Variants in ZC3H11A observed in about 807,000 individuals in gnomAD.
The protein encoded by ZC3H11A is zinc finger CCCH domain-containing protein 11A.
ZC3H11A carries 22 observed loss-of-function variants against 90.8 expected under a neutral mutation model. The ratio of observed to expected loss-of-function variants is 0.24; its 90% confidence interval spans 0.17 to 0.35. The LOEUF (loss-of-function observed/expected upper bound fraction) is 0.35. Among genes scored for constraint, ZC3H11A ranks in the 10% least tolerant of loss-of-function variants. The probability of loss-of-function intolerance (pLI) is 1.00; values close to 1 mark genes in which losing one functional copy is unlikely to be tolerated. For missense variants in ZC3H11A, 701 were observed against 964.9 expected (o/e 0.73, Z 3.62); for synonymous variants, 294 against 339.8 (o/e 0.87, Z 1.48).
intron 5 of ZC3H11A, chr1:203,829,223 CTGTTT>C (rs1681491564): frequency 1.7e-6 from 1 of 572,104 alleles, no homozygotes; most frequent in Non-Finnish European, 3.1e-6. Context: ...TCTGTTGATT[CTGTTT>C]TGAGTGCCCA....
intron 12 of ZC3H11A, among the ~76,000 whole-genome samples, chr1:203,844,318 C>T (rs1687304332): frequency 6.6e-6 from 1 of 152,094 alleles, no homozygotes; most frequent in African/African-American, 2.4e-5. Context: ...TGTGCAATCA[C>T]GCCTGGCTAA....
intron 17 of ZC3H11A, among the ~76,000 whole-genome samples, chr1:203,851,835 G>GACC (rs1377392785): frequency 2.0e-5 from 3 of 151,562 alleles, no homozygotes; most frequent in South Asian, 2.1e-4. Flanking sequence ...ATCACATGGT[G>GACC]ACACACACCT....
At chr1:203,797,454 A>G in intron 1 of ZC3H11A, 2 of 1,363,738 alleles carry the variant, frequency 1.5e-6, no homozygotes, top group Non-Finnish European at 1.9e-6. Flanking sequence ...AGAGAGGAAC[A>G]GCTGTATTTC....
chr1:203,830,310 T>C, intron 8 of ZC3H11A, 107 bp downstream of exon 8: 5 of 865,376 alleles, frequency 5.8e-6, no homozygotes, highest in Non-Finnish European at 9.1e-6. Context: ...TTCATTTCCA[T>C]GGCCTGTTTG....
In ZC3H11A at chr1:203,817,172, A is replaced by G. The variant is rs777399171; in HGVS notation, c.54+48A>G. The G allele has an allele frequency of 1.7e-5, 25 of 1,481,082 alleles. No homozygotes were observed. In the South Asian group the frequency reaches 3.0e-4, roughly 18 times the overall value. The allele number at this position is 1,481,082 out of a possible 1,614,324, so 91.7% of individuals were successfully genotyped here. ...CAGTTCTTTCTACAATTTGCTTAAT[A>G]GAATTGGATAAGATTTTCCCAACAT... On this transcript the variant is annotated intron_variant, in intron 3 of 17. Coordinates refer to ENST00000367210, the MANE Select transcript of ZC3H11A (RefSeq NM_001376342.1).
intron 4 of ZC3H11A, among the ~76,000 whole-genome samples, chr1:203,821,255 A>T (rs1411204232): frequency 6.6e-6 from 1 of 152,122 alleles, no homozygotes; most frequent in East Asian, 1.9e-4. Flanking sequence ...ACCTCCTGCC[A>T]TAATTATAAG....
At chr1:203,837,906 A>T (rs1183180776) in intron 10 of ZC3H11A, 60 bp from the exon 11 acceptor site, 3 of 1,521,582 alleles carry the variant, frequency 2.0e-6, no homozygotes, top group Admixed American at 1.9e-5. Flanking sequence ...TTTTGTTTGT[A>T]TTTCTTGTCC....
chr1:203,839,586 A>G (rs1685452049), intron 11 of ZC3H11A, among the ~76,000 whole-genome samples: 1 of 152,240 alleles, frequency 6.6e-6, no homozygotes, highest in South Asian at 2.1e-4. Flanking sequence ...GCATTCTCAG[A>G]GCAAGCAAAA....
chr1:203,829,989 C>A, intron 7 of ZC3H11A, 93 bp downstream of exon 7: 1 of 1,367,594 alleles, frequency 7.3e-7, no homozygotes, highest in Non-Finnish European at 1.0e-6. Context: ...TTCTTTTTCC[C>A]ATGCTACACG....
At chr1:203,840,582 C>T (rs1685781991) in intron 12 of ZC3H11A, among the ~76,000 whole-genome samples, 1 of 151,134 alleles carries the variant, frequency 6.6e-6, no homozygotes, top group African/African-American at 2.4e-5. Context: ...AATGATTGTT[C>T]ATCATAGCAT....
Position 203,834,056 on chromosome 1 carries a change from A to G in ZC3H11A, c.874+203A>G, listed in dbSNP as rs994246278. ...ATTTAAAGTGTTACAATTGAACTAG[A>G]TTATGACCATGACCAGCGTTTTGGA... On this transcript the variant is annotated intron_variant, in intron 10 of 17. Coordinates refer to ENST00000367210, the MANE Select transcript of ZC3H11A (RefSeq NM_001376342.1). 5.6e-6 allele frequency: 7 copies of G among 1,239,066 alleles called. No homozygotes were observed. The African/African-American group carries it at 9.3e-5, about 17-fold the overall frequency. The allele number at this position is 1,239,066 out of a possible 1,614,324, so 76.8% of individuals were successfully genotyped here.
intron 12 of ZC3H11A, among the ~76,000 whole-genome samples, chr1:203,842,133 A>G (rs1419765790): frequency 3.7e-5 from 5 of 133,648 alleles, no homozygotes; most frequent in Admixed American, 7.5e-5. Context: ...GCTGGGCGGA[A>G]GGGCTCCTCA....
chr1:203,848,683 T>G (rs1054114808), intron 14 of ZC3H11A, among the ~76,000 whole-genome samples: 1 of 152,148 alleles, frequency 6.6e-6, no homozygotes, highest in East Asian at 1.9e-4. Context: ...GTCAGGAGAT[T>G]GAGACCGTCC....
At position 203,829,483 on chromosome 1, in the gene ZC3H11A, G is replaced by A; in HGVS notation, c.331G>A (p.Glu111Lys). 4.3e-6 allele frequency: 7 copies of A among 1,614,014 alleles called. No individual in the cohort carries two copies. The highest frequency in any genetic ancestry group is 5.9e-6 in the Non-Finnish European group (7 of 1,179,900). The change falls in exon 6 of 18, where the codon GAG (glutamate) becomes AAG (lysine). Residue 111 changes from glutamate to lysine, a missense_variant. Physicochemically the swap from Glu to Lys is moderately conservative, Grantham distance 56. Transcript: ENST00000367210. ...VLPTVPESPE[E>K]EVKASQLSVQ... ...GCCCACTGTGCCTGAGTCACCAGAA[G>A]AGGAAGTGAAGGCTAGCCAACTTTC...
At chr1:203,851,832 G>A (rs1689352299) in intron 17 of ZC3H11A, among the ~76,000 whole-genome samples, 1 of 151,660 alleles carries the variant, frequency 6.6e-6, no homozygotes, top group Admixed American at 6.6e-5. Flanking sequence ...AAAATCACAT[G>A]GTGACACACA....
At chr1:203,838,664 A>C (rs984637116) in intron 11 of ZC3H11A, among the ~76,000 whole-genome samples, 1 of 152,194 alleles carries the variant, frequency 6.6e-6, no homozygotes, top group Admixed American at 6.5e-5. Context: ...GAAAGGTTAT[A>C]AACAGGCCGG....
intron 4 of ZC3H11A, among the ~76,000 whole-genome samples, chr1:203,820,468 A>ATGTGTGTGTGTGTGTGTGTGTGTG (rs71145033): frequency 1.2e-3 from 174 of 150,478 alleles, no homozygotes; most frequent in African/African-American, 2.5e-3. Context: ...ATCACAAATT[A>ATGTGTGTGTGTGTGTGTGTGTGTG]TGTGTGTGTG....
At chr1:203,848,460 A>G in intron 14 of ZC3H11A, 53 bp downstream of exon 14, 2 of 1,406,376 alleles carry the variant, frequency 1.4e-6, no homozygotes, top group Non-Finnish European at 2.0e-6. Context: ...AGGCTAGATA[A>G]TTGGTAGTTT....
chr1:203,799,412 A>G (rs1187585157), intron 1 of ZC3H11A: 2 of 703,142 alleles, frequency 2.8e-6, no homozygotes, highest in Non-Finnish European at 5.2e-6. Flanking sequence ...AAGAGTTCCA[A>G]AATGATCACC....
Sources: allele counts gnomAD v4.1 joint callset (sites outside exome capture counted in the v4.1 genomes callset), GRCh38; gene constraint gnomAD v4.1.1; transcripts MANE v1.5; gene names NCBI Gene and HGNC (gene_info 2026-07-23, HGNC 2026-07-21).